The following CCDC170 variants were observed in gnomAD, a reference collection of about 807,000 sequenced individuals.
The protein encoded by CCDC170 is coiled-coil domain containing 170.
In CCDC170, 69 loss-of-function variants were observed where a neutral mutation model predicts 72.6. That is an observed-to-expected ratio of 0.95 (90% confidence interval 0.78 to 1.16). CCDC170 has a LOEUF of 1.16. Among genes scored for constraint, CCDC170 ranks in the 50% most tolerant of loss-of-function variants. CCDC170 has a pLI of 0.00. For synonymous variants in CCDC170, 300 were observed against 303.9 expected (o/e 0.99, Z 0.13); for missense variants, 852 against 832.5 (o/e 1.02, Z -0.29).
At chr6:151,536,162 C>T in intron 1 of CCDC170, 156 bp from the exon 2 acceptor site, 1 of 801,498 alleles carries the variant, frequency 1.2e-6, no homozygotes, top group East Asian at 2.7e-5. Context: ...AGAATGAGAA[C>T]CAAATGGTCT....
intron 7 of CCDC170, among the ~76,000 whole-genome samples, chr6:151,590,397 T>C (rs1776516746): frequency 6.6e-6 from 1 of 152,220 alleles, no homozygotes; most frequent in African/African-American, 2.4e-5. Flanking sequence ...TTAATTTTAA[T>C]TGGGATTATG....
At chr6:151,550,475 A>T (rs959829779) in intron 5 of CCDC170, among the ~76,000 whole-genome samples, 4 of 152,224 alleles carry the variant, frequency 2.6e-5, no homozygotes, top group African/African-American at 7.2e-5. Context: ...AAGCACAGTC[A>T]TGATGATAAT....
intron 4 of CCDC170, 74 bp from the exon 5 acceptor site, chr6:151,548,230 T>C: frequency 7.6e-7 from 1 of 1,307,562 alleles, no homozygotes; most frequent in African/African-American, 1.5e-5. Context: ...ATGCAGTCTA[T>C]AGATGTGACT....
chr6:151,612,959 GC>G (rs1776898199), intron 9 of CCDC170, among the ~76,000 whole-genome samples: 1 of 32,924 alleles, frequency 3.0e-5, no homozygotes, highest in South Asian at 8.0e-4. Context: ...GTCTTTGTTT[GC>G]TTTGTTTGCT....
At chr6:151,594,454 A>G (rs1164318648) in intron 8 of CCDC170, among the ~76,000 whole-genome samples, 2 of 152,214 alleles carry the variant, frequency 1.3e-5, no homozygotes, top group Non-Finnish European at 2.9e-5. Context: ...GGAATATTTT[A>G]TAAAAGATAG....
chr6:151,596,502 G>T lies in CCDC170; in HGVS notation c.1635G>T (p.Leu545=), dbSNP rs1776626819. Residue 545 remains leucine (L), a synonymous_variant, in exon 9 of 11, where the codon CTG becomes CTT. Coordinates refer to ENST00000239374, the MANE Select transcript of CCDC170 (RefSeq NM_025059.4). ...IRNLQKKVER[L]QKELNTCRDL... is the part of the protein sequence containing the mutation. ...ACTTGCAGAAGAAGGTGGAGAGGCT[G>T]CAGAAAGAGCTGAACACGTGTCGAG... The T allele has an allele frequency of 3.7e-6, 6 of 1,614,022 alleles. No homozygotes were observed. Among genetic ancestry groups the T allele is most frequent in the Non-Finnish European group, 5.1e-6 (6 of 1,180,026 alleles).
chr6:151,593,918 G>GA (rs1776583174), intron 8 of CCDC170, among the ~76,000 whole-genome samples: 1 of 152,114 alleles, frequency 6.6e-6, no homozygotes. Flanking sequence ...TACCTAGCTA[G>GA]AAAAAAATTC....
At chr6:151,525,168 G>A (rs1392856239) in intron 1 of CCDC170, among the ~76,000 whole-genome samples, 4 of 152,112 alleles carry the variant, frequency 2.6e-5, no homozygotes, top group Non-Finnish European at 5.9e-5. Flanking sequence ...TCCTGACCTT[G>A]TGATCCGCCT....
chr6:151,533,394 G>C (rs1203925341), intron 1 of CCDC170, among the ~76,000 whole-genome samples: 2 of 151,876 alleles, frequency 1.3e-5, no homozygotes, highest in Non-Finnish European at 2.9e-5. Context: ...CTGGCTGGGC[G>C]TAGTGGCTCA....
chr6:151,607,421 C>A (rs1488676234), intron 9 of CCDC170, among the ~76,000 whole-genome samples: 1 of 151,976 alleles, frequency 6.6e-6, no homozygotes, highest in Non-Finnish European at 1.5e-5. Context: ...GTAGTGATAA[C>A]ATTTGATTCC....
intron 1 of CCDC170, among the ~76,000 whole-genome samples, chr6:151,500,004 T>G (rs1270805246): frequency 6.6e-6 from 1 of 152,016 alleles, no homozygotes; most frequent in Non-Finnish European, 1.5e-5. Context: ...TATTATTACT[T>G]TTTTGAAGAA....
chr6:151,576,114 C>T (rs1424200669), intron 6 of CCDC170, among the ~76,000 whole-genome samples: 1 of 152,172 alleles, frequency 6.6e-6, no homozygotes, highest in Non-Finnish European at 1.5e-5. Context: ...TCAGTGGAAA[C>T]CACACTTTGA....
chr6:151,532,344 T>C (rs6939820), intron 1 of CCDC170, among the ~76,000 whole-genome samples: 121,468 of 152,162 alleles, frequency 0.8, 48,765 homozygotes, highest in East Asian at 0.92. Flanking sequence ...CAGTGGCTCA[T>C]GCCTGTAATC....
chr6:151,495,512 T>C (rs1781896112), intron 1 of CCDC170, among the ~76,000 whole-genome samples: 1 of 151,932 alleles, frequency 6.6e-6, no homozygotes, highest in East Asian at 1.9e-4. Flanking sequence ...TTCTTCTTTT[T>C]TTCAGACAGG....
At chr6:151,510,166 C>T (rs192380476) in intron 1 of CCDC170, among the ~76,000 whole-genome samples, 344 of 152,270 alleles carry the variant, frequency 2.3e-3, no homozygotes, top group Non-Finnish European at 3.4e-3. Flanking sequence ...AACAAAAAAA[C>T]ATTCTGAGTA....
In CCDC170 at chr6:151,555,351, GA is replaced by G. The variant is rs1047933367; in HGVS notation, c.774+6863del. Among the ~76,000 whole-genome samples, 143 of 152,004 alleles carry G rather than the reference GA, an allele frequency of 9.4e-4. 1 individual carries two copies. Among genetic ancestry groups the G allele is most frequent in the African/African-American group, 3.3e-3 (138 of 41,474 alleles). On this transcript the variant is annotated intron_variant, in intron 5 of 10. Transcript: ENST00000239374. ...GTTATTTACTTTTACCTGGGGATAA[GA>G]TAAACATGAGATTAATTTATAGTCA...
intron 8 of CCDC170, among the ~76,000 whole-genome samples, chr6:151,595,118 T>C (rs1355815898): frequency 6.6e-6 from 1 of 152,196 alleles, no homozygotes; most frequent in East Asian, 1.9e-4. Flanking sequence ...ACTTTACAAG[T>C]GCAGAGTAGA....
rs78426708 is a variant in CCDC170 at position 151,554,319 on chromosome 6, A to G, written c.774+5830A>G. ...AAACTTCCATGTTGCATTTAATTCT[A>G]CTAGCAAGAATTAAAGCTAGGAAAT... On this transcript the variant is annotated intron_variant, in intron 5 of 10. Coordinates refer to ENST00000239374, the MANE Select transcript of CCDC170 (RefSeq NM_025059.4). 3.9e-3 allele frequency among the ~76,000 whole-genome samples: 601 copies of G among 152,354 alleles called. 5 individuals carry two copies. The highest frequency in any genetic ancestry group is 0.014 in the African/African-American group (565 of 41,580).
rs139483035 is a variant in CCDC170, at chr6:151,506,243, G to A, written c.57+12058G>A. On this transcript the variant is annotated intron_variant, in intron 1 of 10. Transcript: ENST00000239374. Reference sequence around the variant, plus strand: ...GTAATGGAATGAATTGACTTATTACGTGGATTTATTTAGAATTGACAATTA... The same window carrying A: ...GTAATGGAATGAATTGACTTATTACATGGATTTATTTAGAATTGACAATTA... Among the ~76,000 whole-genome samples, 36 of 152,264 alleles carry A rather than the reference G, an allele frequency of 2.4e-4. 1 individual carries two copies. Among genetic ancestry groups the A allele is most frequent in the Admixed American group, 1.9e-3 (29 of 15,288 alleles).
Sources: allele counts gnomAD v4.1 joint callset (sites outside exome capture counted in the v4.1 genomes callset), GRCh38; gene constraint gnomAD v4.1.1; transcripts MANE v1.5; gene names NCBI Gene and HGNC (gene_info 2026-07-23, HGNC 2026-07-21).